Variants in SNTG1 observed in about 807,000 individuals in gnomAD.
SNTG1 encodes the protein syntrophin gamma 1.
Under a neutral mutation model 74.7 loss-of-function variants are expected in SNTG1, and 39 were observed. The observed-to-expected ratio is 0.52, with a 90% CI of 0.40 to 0.68. SNTG1 has a LOEUF of 0.68. Among genes scored for constraint, SNTG1 ranks in the 30% least tolerant of loss-of-function variants. SNTG1 has a pLI of 0.00. For missense variants in SNTG1, 685 were observed against 609.5 expected, an observed-to-expected ratio of 1.12 and a Z score of -1.30; for synonymous variants, 254 against 217.1, an observed-to-expected ratio of 1.17 and a Z score of -1.49.
intron 4 of SNTG1, among the ~76,000 whole-genome samples, chr8:50,408,720 G>T (rs1477428834): frequency 6.6e-6 from 1 of 152,172 alleles, no homozygotes; most frequent in African/African-American, 2.4e-5. Flanking sequence ...TTGGCAGATG[G>T]GTCAAAACCC....
At position 49,944,857 on chromosome 8, in the gene SNTG1, G is replaced by T. The variant is rs556451771; in HGVS notation, c.-103+32626G>T. On this transcript the variant is annotated intron_variant, in intron 1 of 18. Coordinates refer to ENST00000642720, the MANE Select transcript of SNTG1 (RefSeq NM_018967.5). ...GGCTGGAGTGCAGTGGCGCAATCTC[G>T]GCTCACTGAAACCTTCATCTCCCGG... Among the ~76,000 whole-genome samples, 9 of 151,074 alleles carry T rather than the reference G, an allele frequency of 6.0e-5. No homozygotes were observed. The South Asian group carries it at 1.9e-3, about 32-fold the overall frequency.
At chr8:50,331,717 G>A (rs1478834820) in intron 2 of SNTG1, among the ~76,000 whole-genome samples, 1 of 152,166 alleles carries the variant, frequency 6.6e-6, no homozygotes, top group Non-Finnish European at 1.5e-5. Flanking sequence ...CTGGTATAGA[G>A]AAGGATACTG....
chr8:50,147,888 C>T (rs1295796273), intron 1 of SNTG1, among the ~76,000 whole-genome samples: 2 of 152,098 alleles, frequency 1.3e-5, no homozygotes, highest in East Asian at 3.8e-4. Flanking sequence ...ATGAAATGAA[C>T]CAGGATTTCC....
chr8:50,328,148 C>T (rs562669349), intron 2 of SNTG1, among the ~76,000 whole-genome samples: 8 of 151,930 alleles, frequency 5.3e-5, no homozygotes, highest in South Asian at 2.1e-4. Flanking sequence ...TATGCAGATC[C>T]GAGTTTCTGA....
chr8:50,575,555 T>A (rs2130787847), intron 12 of SNTG1: 1 of 152,406 alleles, frequency 6.6e-6, no homozygotes, highest in East Asian at 1.9e-4. Context: ...ACTTCTCTGA[T>A]CTGCATGTTG....
chr8:50,117,133 T>A (rs2080850068), intron 1 of SNTG1, among the ~76,000 whole-genome samples: 1 of 151,966 alleles, frequency 6.6e-6, no homozygotes, highest in African/African-American at 2.4e-5. Flanking sequence ...TCTTTCTGCT[T>A]GAAAAAGTTC....
At chr8:50,408,678 C>T (rs1304730423) in intron 4 of SNTG1, among the ~76,000 whole-genome samples, 2 of 152,164 alleles carry the variant, frequency 1.3e-5, no homozygotes, top group African/African-American at 4.8e-5. Context: ...AAGCTCCAGT[C>T]AGGCAAAATG....
intron 1 of SNTG1, among the ~76,000 whole-genome samples, chr8:50,021,631 G>A (rs1458163344): frequency 6.6e-6 from 1 of 152,060 alleles, no homozygotes; most frequent in Non-Finnish European, 1.5e-5. Context: ...CCCTTATCAA[G>A]CATCTTCTGC....
chr8:50,179,885 A>G (rs1405957303), intron 2 of SNTG1, among the ~76,000 whole-genome samples: 1 of 152,214 alleles, frequency 6.6e-6, no homozygotes, highest in Admixed American at 6.5e-5. Flanking sequence ...TTCTCAAAAA[A>G]TTAAAAACAG....
At chr8:50,690,547 G>A (rs891841187) in intron 15 of SNTG1, among the ~76,000 whole-genome samples, 4 of 152,132 alleles carry the variant, frequency 2.6e-5, no homozygotes, top group Admixed American at 2.6e-4. Flanking sequence ...TTTCCATGTA[G>A]TTGTGTGGTT....
At chr8:50,167,281 TAAA>T (rs1164621958) in intron 1 of SNTG1, among the ~76,000 whole-genome samples, 1 of 66,676 alleles carries the variant, frequency 1.5e-5, no homozygotes. Context: ...ATAATAATAA[TAAA>T]AAAAGAAAAA....
chr8:50,442,898 G>C (rs893489202), intron 5 of SNTG1, among the ~76,000 whole-genome samples: 1 of 152,054 alleles, frequency 6.6e-6, no homozygotes, highest in African/African-American at 2.4e-5. Context: ...ACATGGCCTC[G>C]GGCCTGGCTG....
chr8:50,463,022 G>T (rs1587708766), intron 8 of SNTG1, among the ~76,000 whole-genome samples: 1 of 151,818 alleles, frequency 6.6e-6, no homozygotes, highest in African/African-American at 2.4e-5. Flanking sequence ...TCTCCATGTT[G>T]GCCAGGCTGG....
chr8:50,098,543 G>C (rs754836597), intron 1 of SNTG1, among the ~76,000 whole-genome samples: 1 of 152,124 alleles, frequency 6.6e-6, no homozygotes, highest in Non-Finnish European at 1.5e-5. Flanking sequence ...GGCCATTTTA[G>C]ATCAATGGCT....
intron 17 of SNTG1, among the ~76,000 whole-genome samples, chr8:50,714,223 G>T (rs941640525): frequency 6.6e-6 from 1 of 152,058 alleles, no homozygotes; most frequent in African/African-American, 2.4e-5. Context: ...TAACCATGCT[G>T]ACTTGGTTAC....
chr8:50,401,698 G>C (rs1457469443), intron 3 of SNTG1, among the ~76,000 whole-genome samples: 1 of 152,068 alleles, frequency 6.6e-6, no homozygotes, highest in Non-Finnish European at 1.5e-5. Flanking sequence ...GTGGAGTTTA[G>C]AGTAGGCTGG....
chr8:50,340,131 G>C (rs1453655884), intron 2 of SNTG1, among the ~76,000 whole-genome samples: 1 of 151,978 alleles, frequency 6.6e-6, no homozygotes, highest in Middle Eastern at 3.2e-3. Context: ...ATATTGTTAA[G>C]ATGTTGATTT....
intron 2 of SNTG1, among the ~76,000 whole-genome samples, chr8:50,344,988 G>A (rs1252584787): frequency 2.0e-5 from 3 of 152,160 alleles, no homozygotes; most frequent in Non-Finnish European, 4.4e-5. Flanking sequence ...CCAGGGACAG[G>A]CCATGTGAGG....
At chr8:50,698,425 C>T (rs1194845270) in intron 15 of SNTG1, among the ~76,000 whole-genome samples, 1 of 152,104 alleles carries the variant, frequency 6.6e-6, no homozygotes, top group Admixed American at 6.6e-5. Context: ...TTAGGAGTCA[C>T]TGCACAGCCC....
Sources: allele counts gnomAD v4.1 joint callset (sites outside exome capture counted in the v4.1 genomes callset), GRCh38; gene constraint gnomAD v4.1.1; transcripts MANE v1.5; gene names NCBI Gene and HGNC (gene_info 2026-07-23, HGNC 2026-07-21).